SACM1L: variants seen among roughly 807,000 people sequenced by gnomAD.
The protein encoded by SACM1L is phosphatidylinositol-3-phosphatase SAC1.
In SACM1L, 32 loss-of-function variants were observed where a neutral mutation model predicts 89.5. The observed-to-expected ratio is 0.36, with a 90% CI of 0.27 to 0.48. SACM1L has a LOEUF of 0.48. SACM1L is among the 20% of genes least tolerant of loss of function. The pLI, the probability that SACM1L is intolerant of heterozygous loss-of-function variation, is 0.99. For missense variants in SACM1L, 543 were observed against 708.5 expected, an observed-to-expected ratio of 0.77 and a Z score of 2.65; for synonymous variants, 213 against 232.8, an observed-to-expected ratio of 0.92 and a Z score of 0.77.
rs1698742607 is a variant in SACM1L at position 45,719,599 on chromosome 3, G to T, written c.677G>T (p.Arg226Ile). The change falls in exon 8 of 20, where the codon AGA becomes ATA. Residue 226 changes from arginine (R) to isoleucine (I), a missense_variant and splice_region_variant. By Grantham distance (97) the Arg-to-Ile change is moderately conservative (BLOSUM62 -3). Transcript: ENST00000389061. ...CFRAGVRYYV[R>I]GIDSEGHAAN... ...AGAGCTGGTGTGCGCTATTATGTAAGAGGTGAGAATTTTGTCAGCATGGGT... is the reference window on the plus strand; with the variant it reads ...AGAGCTGGTGTGCGCTATTATGTAATAGGTGAGAATTTTGTCAGCATGGGT... 1 of 1,598,868 alleles carries T rather than the reference G, an allele frequency of 6.3e-7. No individual in the cohort carries two copies. Among genetic ancestry groups the T allele is most frequent in the African/African-American group, 1.3e-5 (1 of 74,444 alleles).
intron 1 of SACM1L, among the ~76,000 whole-genome samples, chr3:45,702,621 A>G (rs1698300837): frequency 6.6e-6 from 1 of 152,096 alleles, no homozygotes; most frequent in Non-Finnish European, 1.5e-5. Context: ...GCAAATGAAA[A>G]CGCAGTTTTA....
intron 8 of SACM1L, among the ~76,000 whole-genome samples, chr3:45,720,511 T>C (rs1698764690): frequency 6.6e-6 from 1 of 152,222 alleles, no homozygotes; most frequent in South Asian, 2.1e-4. Flanking sequence ...AATACAGATA[T>C]GTGCCCTTCT....
chr3:45,700,200 C>T (rs998471657), intron 1 of SACM1L, among the ~76,000 whole-genome samples: 6 of 152,112 alleles, frequency 3.9e-5, no homozygotes, highest in Non-Finnish European at 7.4e-5. Flanking sequence ...AATTCGATTT[C>T]TGAGCTTGGT....
chr3:45,715,230 G>A (rs2742390), intron 7 of SACM1L, among the ~76,000 whole-genome samples: 73,779 of 151,936 alleles, frequency 0.49, 18,437 homozygotes, highest in Middle Eastern at 0.57. Flanking sequence ...TGAAGAAAAC[G>A]GTGATGACAT....
intron 19 of SACM1L, among the ~76,000 whole-genome samples, chr3:45,741,866 C>T (rs923649164): frequency 2.0e-5 from 3 of 152,136 alleles, no homozygotes; most frequent in Admixed American, 6.5e-5. Context: ...GGTTGAAGCA[C>T]AGGTATTGCC....
chr3:45,740,998 C>A (rs904081825), intron 19 of SACM1L, among the ~76,000 whole-genome samples: 1 of 152,116 alleles, frequency 6.6e-6, no homozygotes, highest in Non-Finnish European at 1.5e-5. Flanking sequence ...GTTAATAAAG[C>A]ATTTAAGATT....
chr3:45,727,536 T>C (rs1037970601), intron 11 of SACM1L, among the ~76,000 whole-genome samples: 1 of 152,172 alleles, frequency 6.6e-6, no homozygotes, highest in Non-Finnish European at 1.5e-5. Flanking sequence ...GTGTTTAAAT[T>C]CTCTATTTTC....
At chr3:45,699,726 C>G (rs1575385854) in intron 1 of SACM1L, among the ~76,000 whole-genome samples, 1 of 151,986 alleles carries the variant, frequency 6.6e-6, no homozygotes, top group Non-Finnish European at 1.5e-5. Context: ...TTCACTGTGT[C>G]GGCCAGGCTG....
At chr3:45,720,215 T>C (rs1275878229) in intron 8 of SACM1L, among the ~76,000 whole-genome samples, 1 of 152,162 alleles carries the variant, frequency 6.6e-6, no homozygotes, top group Non-Finnish European at 1.5e-5. Context: ...GCTTAATCTC[T>C]CTCATAGCAG....
chr3:45,713,336 C>G, intron 6 of SACM1L, 140 bp downstream of exon 6: 2 of 612,454 alleles, frequency 3.3e-6, no homozygotes, highest in Non-Finnish European at 5.5e-6. Flanking sequence ...AAACTTGGAT[C>G]AGGTCTACCC....
chr3:45,695,792 A>C (rs530596187), intron 1 of SACM1L, among the ~76,000 whole-genome samples: 1 of 152,234 alleles, frequency 6.6e-6, no homozygotes, highest in Admixed American at 6.5e-5. Flanking sequence ...TCATCTTGCA[A>C]AAATAAACTC....
chr3:45,728,694 A>G (rs1366697640), intron 11 of SACM1L, among the ~76,000 whole-genome samples: 1 of 152,118 alleles, frequency 6.6e-6, no homozygotes, highest in Non-Finnish European at 1.5e-5. Context: ...TTTTTTAGAG[A>G]AAAGGTCTTA....
At chr3:45,729,325 T>A (rs1698994881) in intron 11 of SACM1L, among the ~76,000 whole-genome samples, 1 of 152,128 alleles carries the variant, frequency 6.6e-6, no homozygotes, top group African/African-American at 2.4e-5. Context: ...CCTCAAGTGA[T>A]CTGCCCACCT....
chr3:45,697,404 A>G (rs1698159157), intron 1 of SACM1L, among the ~76,000 whole-genome samples: 1 of 149,334 alleles, frequency 6.7e-6, no homozygotes, highest in African/African-American at 2.5e-5. Flanking sequence ...AGCCTCCTGA[A>G]TAGCTGAGGC....
At chr3:45,722,783 A>G in intron 9 of SACM1L, 86 bp from the exon 10 acceptor site, 2 of 941,240 alleles carry the variant, frequency 2.1e-6, no homozygotes, top group African/African-American at 1.7e-5. Flanking sequence ...TTGCATATTC[A>G]TTAATATATA....
intron 16 of SACM1L, among the ~76,000 whole-genome samples, chr3:45,738,225 T>G (rs944267177): frequency 6.6e-6 from 1 of 152,242 alleles, no homozygotes; most frequent in African/African-American, 2.4e-5. Context: ...GTATTATGCA[T>G]GCAGTGGCTC....
Position 45,723,559 on chromosome 3 carries a change from T to A in SACM1L, c.921+16T>A, listed in dbSNP as rs983181387. ...AATCAATCTGGTATGTTTCTTATGTTTCTTGGGGGGAAAAAAAAGCCTTAA... is the reference window on the plus strand; with the variant it reads ...AATCAATCTGGTATGTTTCTTATGTATCTTGGGGGGAAAAAAAAGCCTTAA... On this transcript the variant is annotated intron_variant, in intron 11 of 19. Coordinates refer to ENST00000389061, the MANE Select transcript of SACM1L (RefSeq NM_014016.5). 2.2e-6 allele frequency: 3 copies of A among 1,333,416 alleles called. No individual in the cohort carries two copies. The African/African-American group carries it at 4.5e-5, about 20-fold the overall frequency. The allele number at this position is 1,333,416 out of a possible 1,614,324, so 82.6% of individuals were successfully genotyped here.
intron 11 of SACM1L, among the ~76,000 whole-genome samples, chr3:45,726,061 G>A (rs183611479): frequency 8.6e-4 from 131 of 151,970 alleles, no homozygotes; most frequent in African/African-American, 2.9e-3. Context: ...TTTTGGTCAT[G>A]GTATATACTT....
At chr3:45,718,975 A>G (rs1033353541) in intron 7 of SACM1L, among the ~76,000 whole-genome samples, 1 of 152,162 alleles carries the variant, frequency 6.6e-6, no homozygotes, top group Non-Finnish European at 1.5e-5. Flanking sequence ...GGTAGAGTCA[A>G]AATTTCCATT....
Sources: gnomAD v4.1 joint callset for allele counts (sites outside exome capture counted in the v4.1 genomes callset) on GRCh38, gnomAD v4.1.1 for gene constraint, MANE v1.5 for transcripts, NCBI Gene and HGNC (gene_info 2026-07-23, HGNC 2026-07-21) for gene names.